Variants in GLI2 observed in about 807,000 individuals in gnomAD.
GLI2 encodes the protein GLI family zinc finger 2, also known as transcription activator GLI2.
GLI2 carries 22 observed loss-of-function variants against 78.9 expected under a neutral mutation model. The ratio of observed to expected loss-of-function variants is 0.28; its 90% CI spans 0.20 to 0.40. The LOEUF is 0.40. Ranked by LOEUF, GLI2 falls within the 10% of genes least tolerant of loss-of-function variation. The pLI is 1.00. For missense variants in GLI2, 2,097 were observed against 2,213.2 expected, an observed-to-expected ratio of 0.95 and a Z score of 1.05; for synonymous variants, 974 against 963.7, an observed-to-expected ratio of 1.01 and a Z score of -0.20.
chr2:120,933,788 G>A (rs1352486013), intron 3 of GLI2, among the ~76,000 whole-genome samples: 1 of 152,038 alleles, frequency 6.6e-6, no homozygotes, highest in Non-Finnish European at 1.5e-5. Context: ...CTCCTGGTTC[G>A]GGGGGCTGGG....
intron 2 of GLI2, among the ~76,000 whole-genome samples, chr2:120,849,415 C>G (rs1687295084): frequency 6.6e-6 from 1 of 152,098 alleles, no homozygotes. Context: ...TGACTAGAAT[C>G]CAGGTGTTTA....
intron 2 of GLI2, among the ~76,000 whole-genome samples, chr2:120,830,133 C>A (rs1421514717): frequency 6.6e-6 from 1 of 152,198 alleles, no homozygotes; most frequent in African/African-American, 2.4e-5. Context: ...CCACAAGACC[C>A]TGGGCCCGCT....
chr2:120,820,996 G>A (rs1317698392), intron 2 of GLI2, among the ~76,000 whole-genome samples: 2 of 152,096 alleles, frequency 1.3e-5, no homozygotes, highest in Non-Finnish European at 2.9e-5. Context: ...GTGGCCTCCC[G>A]GTGGTTTCAG....
At chr2:120,912,871 T>C (rs1039923557) in intron 2 of GLI2, among the ~76,000 whole-genome samples, 2 of 151,738 alleles carry the variant, frequency 1.3e-5, no homozygotes, top group African/African-American at 4.8e-5. Flanking sequence ...CGCGGAGAGG[T>C]CAAGGGTGTG....
chr2:120,931,237 T>C (rs972578001), intron 3 of GLI2, among the ~76,000 whole-genome samples: 1 of 152,256 alleles, frequency 6.6e-6, no homozygotes, highest in Non-Finnish European at 1.5e-5. Flanking sequence ...TTGACATTTC[T>C]AGGTTCTGGA....
chr2:120,975,940 T>A (rs2105040072), intron 9 of GLI2, among the ~76,000 whole-genome samples: 1 of 152,302 alleles, frequency 6.6e-6, no homozygotes, highest in Middle Eastern at 3.4e-3. Context: ...GGGTCAATCA[T>A]GTTTGTCAGC....
intron 3 of GLI2, among the ~76,000 whole-genome samples, chr2:120,948,715 A>C (rs763181510): frequency 8.5e-5 from 13 of 152,122 alleles, no homozygotes; most frequent in Non-Finnish European, 1.6e-4. Context: ...TGGCTATCGC[A>C]GGGGGCCTCA....
intron 2 of GLI2, among the ~76,000 whole-genome samples, chr2:120,855,338 G>A (rs560938333): frequency 2.0e-5 from 3 of 152,304 alleles, no homozygotes; most frequent in Admixed American, 6.5e-5. Flanking sequence ...GCCAGTGAGC[G>A]AGCCACTCAA....
In GLI2 at chr2:120,795,906, G is replaced by A. The variant is rs533252710; in HGVS notation, c.-30-1385G>A. Among the ~76,000 whole-genome samples, 9 of 152,078 alleles carry A rather than the reference G, an allele frequency of 5.9e-5. No individual in the cohort carries two copies. The South Asian group carries it at 1.0e-3, about 18-fold the overall frequency. ...CTCTACTAAAAATACAAAATTAGCC[G>A]GGCGTGGTGGCTCATGCCTGTAATC... On this transcript the variant is annotated intron_variant, in intron 1 of 13. Coordinates refer to ENST00000361492, the MANE Select transcript of GLI2 (RefSeq NM_001374353.1).
In GLI2 at chr2:120,840,976, G is replaced by A. The variant is rs114839928; in HGVS notation, c.148+43508G>A. Among the ~76,000 whole-genome samples the A allele has an allele frequency of 9.3e-3, 1,423 of 152,280 alleles. 13 individuals carry two copies. The highest frequency in any genetic ancestry group is 0.016 in the Non-Finnish European group (1,069 of 68,028). On this transcript the variant is annotated intron_variant, in intron 2 of 13. Coordinates refer to ENST00000361492, the MANE Select transcript of GLI2 (RefSeq NM_001374353.1). The stretch of plus-strand genomic sequence containing the variant: ...GGGTCCCTTTGTTATCTGGCCCTAC[G>A]TGGCCTCTTTCCTTGCCAGCTGAAA...
chr2:120,775,086 T>C (rs1168667995), intron 1 of GLI2, among the ~76,000 whole-genome samples: 1 of 152,184 alleles, frequency 6.6e-6, no homozygotes, highest in Admixed American at 6.5e-5. Flanking sequence ...CATAGGGACG[T>C]GGGTATGCCG....
intron 2 of GLI2, among the ~76,000 whole-genome samples, chr2:120,824,829 G>A (rs1685962654): frequency 6.6e-6 from 1 of 152,018 alleles, no homozygotes; most frequent in South Asian, 2.1e-4. Context: ...GCATTTCTTT[G>A]TTGTTGTTGT....
At chr2:120,856,697 C>T (rs1445520023) in intron 2 of GLI2, among the ~76,000 whole-genome samples, 1 of 152,146 alleles carries the variant, frequency 6.6e-6, no homozygotes, top group Admixed American at 6.5e-5. Context: ...TGTCATTCTA[C>T]TTGCCTGACC....
At chr2:120,736,726 G>A (rs977300740) in intron 1 of GLI2, among the ~76,000 whole-genome samples, 2 of 151,978 alleles carry the variant, frequency 1.3e-5, no homozygotes, top group African/African-American at 4.8e-5. Context: ...GAGCGCGGAG[G>A]GGCTGCAGCC....
intron 1 of GLI2, among the ~76,000 whole-genome samples, chr2:120,790,490 G>A (rs751367807): frequency 3.9e-5 from 6 of 152,182 alleles, no homozygotes; most frequent in Non-Finnish European, 4.4e-5. Context: ...AGTGGAGGCT[G>A]GGGGCTGTGG....
chr2:120,846,800 A>G (rs552686784), intron 2 of GLI2, among the ~76,000 whole-genome samples: 19 of 152,164 alleles, frequency 1.2e-4, no homozygotes, highest in African/African-American at 4.1e-4. Flanking sequence ...TATAAAACCC[A>G]TGTTTCTAGC....
rs1461238960 is a variant in GLI2 at position 120,988,459 on chromosome 2, G to C, written c.2494G>C (p.Ala832Pro). 1.9e-6 allele frequency: 3 copies of C among 1,566,068 alleles called. No homozygotes were observed. Among genetic ancestry groups the C allele is most frequent in the Admixed American group, 1.8e-5 (1 of 57,140 alleles). The change falls in exon 14 of 14, where the codon GCG becomes CCG. Residue 832 changes from alanine (A) to proline (P), a missense_variant. This residue lies in a region of GLI2 where 1,290 missense variants were observed against 1,261.7 expected (regional missense o/e 1.02). Coordinates refer to ENST00000361492, the MANE Select transcript of GLI2 (RefSeq NM_001374353.1). ...CCTGGGCGCCGGCCGCCCGCACAAC[G>C]CGAGCTCCGCTGACTCCTACGACCC... ...SPLGAGRPHN[A>P]SSADSYDPIS...
chr2:120,758,997 A>G (rs926365828), intron 1 of GLI2, among the ~76,000 whole-genome samples: 7 of 152,114 alleles, frequency 4.6e-5, no homozygotes, highest in African/African-American at 1.7e-4. Context: ...CCAATCCTGC[A>G]TGATCTTCCC....
chr2:120,896,770 A>T (rs1001801873), intron 2 of GLI2, among the ~76,000 whole-genome samples: 1 of 150,594 alleles, frequency 6.6e-6, no homozygotes, highest in Non-Finnish European at 1.5e-5. Context: ...CTTTTTCTCA[A>T]GGAATCCCCA....
Sources: gnomAD v4.1 joint callset for allele counts (sites outside exome capture counted in the v4.1 genomes callset) on GRCh38, gnomAD v4.1.1 for gene constraint, gnomAD v4.1.1 regional missense constraint, MANE v1.5 for transcripts, NCBI Gene and HGNC (gene_info 2026-07-23, HGNC 2026-07-21) for gene names.